Variants in NOL10 observed in about 807,000 individuals in gnomAD.
NOL10 encodes the protein nucleolar protein 10, also known as H_NH0074G24.1.
A neutral mutation model predicts 103.5 loss-of-function variants in NOL10; 58 were observed. The observed-to-expected ratio is 0.56, with a 90% CI of 0.45 to 0.70. NOL10 has a LOEUF of 0.70. Among genes scored for constraint, NOL10 ranks in the 30% least tolerant of loss-of-function variants. The pLI is 0.00. For synonymous variants in NOL10, 287 were observed against 282.5 expected (o/e 1.02, Z -0.16); for missense variants, 763 against 807.3 (o/e 0.95, Z 0.67).
chr2:10,577,875 A>G, intron 19 of NOL10, 137 bp from the exon 20 acceptor site: 1 of 619,354 alleles, frequency 1.6e-6, no homozygotes. Context: ...ATTTAACACA[A>G]TAAATGGAAA....
intron 13 of NOL10, among the ~76,000 whole-genome samples, chr2:10,639,028 C>T (rs1678519037): frequency 6.6e-6 from 1 of 151,416 alleles, no homozygotes; most frequent in African/African-American, 2.4e-5. Context: ...GTCTCAAACT[C>T]CTGCCCTTAA....
intron 17 of NOL10, among the ~76,000 whole-genome samples, chr2:10,597,006 G>A (rs1209393629): frequency 1.3e-5 from 2 of 151,720 alleles, no homozygotes; most frequent in Non-Finnish European, 2.9e-5. Context: ...GTCTTGCCCT[G>A]TAGCCCAGGC....
chr2:10,626,856 T>C (rs1354082193), intron 13 of NOL10, among the ~76,000 whole-genome samples: 1 of 152,254 alleles, frequency 6.6e-6, no homozygotes, highest in Non-Finnish European at 1.5e-5. Context: ...ATATGTCATA[T>C]GTGTATCAAA....
intron 13 of NOL10, among the ~76,000 whole-genome samples, chr2:10,617,931 GGGA>G (rs371230109): frequency 2.9e-3 from 448 of 152,306 alleles, no homozygotes; most frequent in African/African-American, 0.011. Context: ...GGCTGGGAGA[GGGA>G]GGAGAAGGAA....
At chr2:10,670,839 T>C (rs980895276) in intron 6 of NOL10, among the ~76,000 whole-genome samples, 2 of 152,198 alleles carry the variant, frequency 1.3e-5, no homozygotes, top group African/African-American at 4.8e-5. Flanking sequence ...TCCTAATTAG[T>C]TTCTTAAATA....
At chr2:10,675,463 G>T (rs914689864) in intron 4 of NOL10, among the ~76,000 whole-genome samples, 2 of 151,826 alleles carry the variant, frequency 1.3e-5, no homozygotes, top group Non-Finnish European at 2.9e-5. Context: ...GGTTTGGGGG[G>T]GGTGCATTCT....
intron 12 of NOL10, among the ~76,000 whole-genome samples, chr2:10,649,311 A>ATTTTTTTTTTTTTTT (rs56031158): frequency 2.0e-5 from 2 of 99,044 alleles, no homozygotes; most frequent in African/African-American, 4.1e-5. Context: ...GTATGTTTGA[A>ATTTTTTTTTTTTTTT]TTTTTTTTTT....
At position 10,678,935 on chromosome 2, in the gene NOL10, T is replaced by A. The variant is rs145690910; in HGVS notation, c.211+3036A>T. On this transcript the variant is annotated intron_variant, in intron 3 of 20. Transcript: ENST00000381685. ...AAATGAATTAAAATCAAATTAAATTTAAGATTCCAGCTGGGTGCCGTGGCT... is the reference window on the plus strand; with the variant it reads ...AAATGAATTAAAATCAAATTAAATTAAAGATTCCAGCTGGGTGCCGTGGCT... Among the ~76,000 whole-genome samples the A allele has an allele frequency of 4.3e-3, 651 of 152,276 alleles. 9 individuals carry two copies. The highest frequency in any genetic ancestry group is 0.014 in the African/African-American group (599 of 41,556).
chr2:10,645,944 T>C (rs7425819), intron 12 of NOL10, among the ~76,000 whole-genome samples: 79 of 147,646 alleles, frequency 5.4e-4, no homozygotes, highest in African/African-American at 1.2e-3. Flanking sequence ...CACACACACA[T>C]ACACACACAC....
At chr2:10,599,222 TG>T (rs1354431386) in intron 17 of NOL10, among the ~76,000 whole-genome samples, 11 of 152,370 alleles carry the variant, frequency 7.2e-5, no homozygotes, top group African/African-American at 2.6e-4. Context: ...ATAAAGACTC[TG>T]GCATAAAACA....
chr2:10,589,838 T>G, intron 17 of NOL10, 87 bp from the exon 18 acceptor site: 1 of 807,012 alleles, frequency 1.2e-6, no homozygotes, highest in Non-Finnish European at 1.8e-6. Flanking sequence ...ACTGATTCTA[T>G]TATAAGTTAA....
chr2:10,680,294 G>A (rs1178651618), intron 3 of NOL10, among the ~76,000 whole-genome samples: 1 of 135,244 alleles, frequency 7.4e-6, no homozygotes, highest in Admixed American at 8.2e-5. Context: ...AGAAGAAGGA[G>A]AAGAAGGAGA....
At chr2:10,633,753 G>A (rs946345927) in intron 13 of NOL10, among the ~76,000 whole-genome samples, 11 of 151,880 alleles carry the variant, frequency 7.2e-5, no homozygotes, top group African/African-American at 2.2e-4. Context: ...TTAAGCAGAA[G>A]AGTAACACAA....
intron 13 of NOL10, among the ~76,000 whole-genome samples, chr2:10,639,479 C>A (rs1428186525): frequency 1.3e-5 from 2 of 152,168 alleles, no homozygotes; most frequent in Non-Finnish European, 2.9e-5. Flanking sequence ...CAAGTTTACA[C>A]ATCCACATTA....
At chr2:10,574,959 G>A (rs1020524849) in intron 20 of NOL10, among the ~76,000 whole-genome samples, 3 of 152,204 alleles carry the variant, frequency 2.0e-5, no homozygotes, top group African/African-American at 4.8e-5. Context: ...AAAGGACTAT[G>A]ACTAGCCTCT....
intron 20 of NOL10, among the ~76,000 whole-genome samples, chr2:10,575,290 A>G (rs115520774): frequency 0.034 from 5,226 of 152,340 alleles, 173 homozygotes; most frequent in African/African-American, 0.084. Context: ...TTTTATTGAA[A>G]TTTTAGGAGG....
At position 10,619,606 on chromosome 2, in the gene NOL10, C is replaced by T. The variant is rs542580852; in HGVS notation, c.1027-12295G>A. Among the ~76,000 whole-genome samples the T allele has an allele frequency of 3.3e-5, 5 of 151,968 alleles. No individual in the cohort carries two copies. The South Asian group carries it at 1.0e-3, about 32-fold the overall frequency. Reference sequence around the variant, plus strand: ...ATAAAAAGCTTTACATATCTGTCTGCTTTTCATGAAACACTACAAATGACA... The same window carrying T: ...ATAAAAAGCTTTACATATCTGTCTGTTTTTCATGAAACACTACAAATGACA... On this transcript the variant is annotated intron_variant, in intron 13 of 20. Coordinates refer to ENST00000381685, the MANE Select transcript of NOL10 (RefSeq NM_024894.4).
In NOL10 at chr2:10,608,090, A is replaced by G. The variant is rs530355367; in HGVS notation, c.1027-779T>C. On this transcript the variant is annotated intron_variant, in intron 13 of 20. Coordinates refer to ENST00000381685, the MANE Select transcript of NOL10 (RefSeq NM_024894.4). ...ACGTGAGGTGATGCAAATGTTAATT[A>G]GCTCAATTTAGCCATTCCACAACAT... Among the ~76,000 whole-genome samples, 6 of 152,350 alleles carry G rather than the reference A, an allele frequency of 3.9e-5. No homozygotes were observed. The East Asian group carries it at 7.7e-4, about 20-fold the overall frequency.
At chr2:10,647,970 T>C (rs1679195508) in intron 12 of NOL10, among the ~76,000 whole-genome samples, 1 of 152,190 alleles carries the variant, frequency 6.6e-6, no homozygotes, top group Non-Finnish European at 1.5e-5. Flanking sequence ...CCGATGCTGA[T>C]TCCACAGGTC....
Sources: gnomAD v4.1 joint callset for allele counts (sites outside exome capture counted in the v4.1 genomes callset) on GRCh38, gnomAD v4.1.1 for gene constraint, MANE v1.5 for transcripts, NCBI Gene and HGNC (gene_info 2026-07-23, HGNC 2026-07-21) for gene names.